AP4E1: variants seen among roughly 807,000 people sequenced by gnomAD.
AP4E1 encodes the protein AP-4 complex subunit epsilon-1.
AP4E1 carries 56 observed loss-of-function variants against 128.2 expected under a neutral mutation model. The ratio of observed to expected loss-of-function variants is 0.44; its 90% CI spans 0.35 to 0.55. The LOEUF (loss-of-function observed/expected upper bound fraction) is 0.55, where lower values mean the gene tolerates loss of function less well. Among genes scored for constraint, AP4E1 ranks in the 20% least tolerant of loss-of-function variants. AP4E1 has a pLI of 0.00. For synonymous variants in AP4E1, 484 were observed against 473.1 expected, an observed-to-expected ratio of 1.02 and a Z score of -0.30; for missense variants, 1,324 against 1,307.7, an observed-to-expected ratio of 1.01 and a Z score of -0.19.
intron 17 of AP4E1, among the ~76,000 whole-genome samples, chr15:50,994,993 T>G: frequency 6.6e-6 from 1 of 152,144 alleles, no homozygotes; most frequent in East Asian, 1.9e-4. Context: ...AGTGTATTTC[T>G]CTGTTTTATG....
chr15:50,986,330 A>G (rs919267652), intron 16 of AP4E1, among the ~76,000 whole-genome samples: 2 of 152,186 alleles, frequency 1.3e-5, no homozygotes, highest in Non-Finnish European at 2.9e-5. Context: ...CCTGGCCAGA[A>G]CTTCCAACAC....
intron 5 of AP4E1, among the ~76,000 whole-genome samples, chr15:50,928,043 G>GCA (rs2063788905): frequency 2.0e-5 from 3 of 152,102 alleles, no homozygotes; most frequent in Admixed American, 2.0e-4. Context: ...CTGTGTGCTA[G>GCA]ATGTTATCTG....
At chr15:50,910,926 T>G (rs1226422147) in intron 1 of AP4E1, among the ~76,000 whole-genome samples, 1 of 152,270 alleles carries the variant, frequency 6.6e-6, no homozygotes, top group Admixed American at 6.5e-5. Context: ...CCTCCCAAAG[T>G]GCTGGGATTA....
chr15:50,972,087 G>A (rs2064486350), intron 15 of AP4E1, among the ~76,000 whole-genome samples: 1 of 152,158 alleles, frequency 6.6e-6, no homozygotes, highest in Non-Finnish European at 1.5e-5. Flanking sequence ...TCAATTTTAT[G>A]TAGTGCAGTT....
rs567344874 is a variant in AP4E1 at position 50,926,927 on chromosome 15, TC to T, written c.542+1710del. Reference sequence around the variant, plus strand: ...TTAAGAAATATTGAATCATGAATCTTCCAGCTAAAATGATAGCTTTTACTAA... The same window carrying T: ...TTAAGAAATATTGAATCATGAATCTTCAGCTAAAATGATAGCTTTTACTAA... On this transcript the variant is annotated intron_variant, in intron 5 of 20. Transcript: ENST00000261842. Among the ~76,000 whole-genome samples, 8 of 152,344 alleles carry T rather than the reference TC, an allele frequency of 5.3e-5. No individual in the cohort carries two copies. In the South Asian group the frequency reaches 1.7e-3, roughly 32 times the overall value.
At chr15:50,939,145 A>G (rs1417938969) in intron 8 of AP4E1, among the ~76,000 whole-genome samples, 1 of 152,218 alleles carries the variant, frequency 6.6e-6, no homozygotes, top group Non-Finnish European at 1.5e-5. Context: ...ACTGAAGAGT[A>G]ACCAAGTTCC....
At position 51,003,789 on chromosome 15, in the gene AP4E1, T is replaced by C. The variant is rs1353738866; in HGVS notation, c.*1127T>C. ...GGAAAATATTTATTATTTCACCTTT[T>C]CTGACACTTCACCATGGAGACTATT... On this transcript the variant is annotated 3_prime_UTR_variant, in exon 21 of 21. Coordinates refer to ENST00000261842, the MANE Select transcript of AP4E1 (RefSeq NM_007347.5). 1 of 152,660 alleles carries C rather than the reference T, an allele frequency of 6.6e-6. No homozygotes were observed. Among genetic ancestry groups the C allele is most frequent in the Non-Finnish European group, 1.5e-5 (1 of 68,040 alleles). The allele number at this position is 152,660 out of a possible 1,614,324, so 9.5% of individuals were successfully genotyped here.
intron 19 of AP4E1, 45 bp downstream of exon 19, chr15:50,999,307 C>T: frequency 6.5e-7 from 1 of 1,543,572 alleles, no homozygotes; most frequent in Non-Finnish European, 8.9e-7. Flanking sequence ...AATTCACCAA[C>T]TATTTTTTAG....
At chr15:50,936,092 AG>A (rs1320722020) in intron 8 of AP4E1, among the ~76,000 whole-genome samples, 12 of 152,182 alleles carry the variant, frequency 7.9e-5, no homozygotes, top group Non-Finnish European at 1.6e-4. Flanking sequence ...GGGAAGAATA[AG>A]GTAGACACAG....
chr15:50,967,512 A>G (rs2064409595), intron 14 of AP4E1, among the ~76,000 whole-genome samples: 1 of 152,218 alleles, frequency 6.6e-6, no homozygotes, highest in African/African-American at 2.4e-5. Context: ...TCCAGAAGGA[A>G]GCAGCCCTGC....
rs2064187668 is a variant in AP4E1, at chr15:50,954,271, C to T, written c.1548+4102C>T. 1.3e-5 allele frequency among the ~76,000 whole-genome samples: 2 copies of T among 152,136 alleles called. 1 individual carries two copies. The highest frequency in any genetic ancestry group is 4.1e-4 in the South Asian group (2 of 4,832). On this transcript the variant is annotated intron_variant, in intron 13 of 20. Coordinates refer to ENST00000261842, the MANE Select transcript of AP4E1 (RefSeq NM_007347.5). Reference sequence around the variant, plus strand: ...AAGTAATACTAGTTTCATAAAATGACTTGGGAATGTGCCCTCCTATTTTCT... The same window carrying T: ...AAGTAATACTAGTTTCATAAAATGATTTGGGAATGTGCCCTCCTATTTTCT...
At chr15:50,964,740 A>G (rs2064363634) in intron 14 of AP4E1, among the ~76,000 whole-genome samples, 1 of 152,134 alleles carries the variant, frequency 6.6e-6, no homozygotes, top group African/African-American at 2.4e-5. Context: ...AACTGTAATC[A>G]TAATCAGTGA....
At chr15:50,936,292 C>A (rs922099058) in intron 8 of AP4E1, among the ~76,000 whole-genome samples, 2 of 151,668 alleles carry the variant, frequency 1.3e-5, no homozygotes, top group Admixed American at 1.3e-4. Flanking sequence ...TGCGATGTAA[C>A]CAGTGTCCAG....
chr15:50,940,078 A>G (rs1380954904), intron 8 of AP4E1, among the ~76,000 whole-genome samples: 1 of 152,198 alleles, frequency 6.6e-6, no homozygotes, highest in Non-Finnish European at 1.5e-5. Context: ...GGCTGGATTT[A>G]GTGGCAGTTT....
At chr15:50,974,682 T>G (rs984660706) in intron 15 of AP4E1, among the ~76,000 whole-genome samples, 2 of 152,136 alleles carry the variant, frequency 1.3e-5, no homozygotes, top group Non-Finnish European at 2.9e-5. Context: ...TCCTGACACG[T>G]TATGTTTTCT....
chr15:50,950,642 C>T (rs1169502168), intron 13 of AP4E1, among the ~76,000 whole-genome samples: 1 of 151,780 alleles, frequency 6.6e-6, no homozygotes, highest in Non-Finnish European at 1.5e-5. Context: ...TTCTAGGGTA[C>T]CTGTGCAGGA....
In AP4E1 at chr15:50,943,485, T is replaced by C. The variant is rs536207082; in HGVS notation, c.1176+1710T>C. Among the ~76,000 whole-genome samples, 3 of 152,292 alleles carry C rather than the reference T, an allele frequency of 2.0e-5. No individual in the cohort carries two copies. The South Asian group carries it at 6.2e-4, about 32-fold the overall frequency. On this transcript the variant is annotated intron_variant, in intron 10 of 20. Transcript: ENST00000261842. ...GCCTTGGATCTGGGCAGTTTGCAGATGTACTAATTTCTGCGTGTAGACATC... is the reference window on the plus strand; with the variant it reads ...GCCTTGGATCTGGGCAGTTTGCAGACGTACTAATTTCTGCGTGTAGACATC...
At chr15:50,989,533 G>C (rs1427197130) in intron 16 of AP4E1, among the ~76,000 whole-genome samples, 1 of 149,666 alleles carries the variant, frequency 6.7e-6, no homozygotes, top group African/African-American at 2.5e-5. Flanking sequence ...TTCTTTCCCA[G>C]ATATTTAATT....
intron 16 of AP4E1, among the ~76,000 whole-genome samples, chr15:50,985,009 G>A (rs1292240443): frequency 1.3e-5 from 2 of 152,312 alleles, no homozygotes; most frequent in African/African-American, 2.4e-5. Context: ...TCTAACTGGT[G>A]TGAGATGGTA....
Sources: gnomAD v4.1 joint callset for allele counts (sites outside exome capture counted in the v4.1 genomes callset) on GRCh38, gnomAD v4.1.1 for gene constraint, MANE v1.5 for transcripts, NCBI Gene and HGNC (gene_info 2026-07-23, HGNC 2026-07-21) for gene names.